Variants in LUC7L3 observed in about 807,000 individuals in gnomAD.
The protein encoded by LUC7L3 is luc7-like protein 3.
In LUC7L3, 6 loss-of-function variants were observed where a neutral mutation model predicts 66.8. The ratio of observed to expected loss-of-function variants is 0.09; its 90% confidence interval spans 0.05 to 0.18. The LOEUF (loss-of-function observed/expected upper bound fraction) is 0.18. Ranked by LOEUF, LUC7L3 falls within the 10% of genes least tolerant of loss-of-function variation. The pLI is 1.00. For missense variants in LUC7L3, 341 were observed against 531.1 expected (o/e 0.64, Z 3.52); for synonymous variants, 160 against 174.7 (o/e 0.92, Z 0.66).
At position 50,724,611 on chromosome 17, in the gene LUC7L3, T is replaced by TTGTGTGTG. The variant is rs58361696; in HGVS notation, c.99+4808_99+4815dup. On this transcript the variant is annotated intron_variant, in intron 1 of 9. Transcript: ENST00000505658. ...TAAATCTTTGGTTGCTTTAGGAAAATTGTGTGTGTGTGTGTGTGTGTGTGT... is the reference window on the plus strand; with the variant it reads ...TAAATCTTTGGTTGCTTTAGGAAAATTGTGTGTGTGTGTGTGTGTGTGTGTGTGTGTGT... 3.5e-3 allele frequency among the ~76,000 whole-genome samples: 514 copies of TTGTGTGTG among 147,256 alleles called. 3 individuals carry two copies. The highest frequency in any genetic ancestry group is 5.2e-3 in the East Asian group (26 of 4,996).
intron 1 of LUC7L3, chr17:50,724,088 A>G (rs1968989812): frequency 2.8e-6 from 1 of 356,920 alleles, no homozygotes; most frequent in South Asian, 1.9e-5. Context: ...TGAACTCCCC[A>G]TGTACCCATG....
intron 3 of LUC7L3, 93 bp downstream of exon 3, chr17:50,740,438 T>C: frequency 8.3e-7 from 1 of 1,209,272 alleles, no homozygotes; most frequent in Non-Finnish European, 1.2e-6. Flanking sequence ...AAATGTAAAA[T>C]GAGTGTCTGA....
chr17:50,740,434 A>G (rs1970276989), intron 3 of LUC7L3, 89 bp downstream of exon 3: 4 of 1,249,052 alleles, frequency 3.2e-6, no homozygotes, highest in African/African-American at 3.0e-5. Flanking sequence ...AATTAAATGT[A>G]AAATGAGTGT....
chr17:50,723,811 A>G (rs1968964440), intron 1 of LUC7L3: 1 of 340,750 alleles, frequency 2.9e-6, no homozygotes, highest in Non-Finnish European at 5.9e-6. Context: ...TAATTTTTGT[A>G]TTTTTAGTCG....
At chr17:50,738,345 C>T (rs1462075290) in intron 2 of LUC7L3, 2 of 216,432 alleles carry the variant, frequency 9.2e-6, no homozygotes, top group East Asian at 2.6e-4. Context: ...AAATTAGTTG[C>T]TTGCCAAGGA....
chr17:50,741,312 A>C (rs1970333346), intron 4 of LUC7L3, 66 bp downstream of exon 4: 1 of 1,476,076 alleles, frequency 6.8e-7, no homozygotes, highest in African/African-American at 1.4e-5. Context: ...GACCTCCCTA[A>C]TATTTTTGAA....
intron 1 of LUC7L3, among the ~76,000 whole-genome samples, chr17:50,720,883 A>G (rs911975047): frequency 1.3e-5 from 2 of 152,232 alleles, no homozygotes; most frequent in Non-Finnish European, 2.9e-5. Context: ...AAGAAAGAGT[A>G]AGTTTGGCTC....
At chr17:50,741,022 G>A in intron 3 of LUC7L3, 80 bp from the exon 4 acceptor site, 1 of 1,365,902 alleles carries the variant, frequency 7.3e-7, no homozygotes, top group Non-Finnish European at 1.0e-6. Context: ...AATAGTCGTT[G>A]AGGCTAGTTA....
chr17:50,741,841 T>A, intron 5 of LUC7L3, 110 bp downstream of exon 5: 1 of 768,848 alleles, frequency 1.3e-6, no homozygotes, highest in East Asian at 2.9e-5. Context: ...TCCCAGCACT[T>A]TGGGAGGCCG....
intron 2 of LUC7L3, 149 bp downstream of exon 2, chr17:50,737,175 T>A (rs1970033847): frequency 1.6e-6 from 1 of 642,460 alleles, no homozygotes; most frequent in Non-Finnish European, 2.7e-6. Context: ...GTTTAGATAT[T>A]TGAATGTATT....
intron 3 of LUC7L3, 32 bp downstream of exon 3, chr17:50,740,377 C>G: frequency 1.9e-6 from 3 of 1,592,638 alleles, no homozygotes; most frequent in Non-Finnish European, 2.6e-6. Context: ...TTCCACCCCC[C>G]CAGTTATTAG....
At chr17:50,721,853 C>G (rs1968790378) in intron 1 of LUC7L3, among the ~76,000 whole-genome samples, 2 of 151,194 alleles carry the variant, frequency 1.3e-5, no homozygotes, top group African/African-American at 4.9e-5. Context: ...GGAAATTTTT[C>G]TTGGCCATAC....
intron 1 of LUC7L3, among the ~76,000 whole-genome samples, chr17:50,728,618 TCTCAGCTCACTGCAAAC>T (rs1425248897): frequency 1.2e-4 from 18 of 152,226 alleles, no homozygotes; most frequent in African/African-American, 4.1e-4. Context: ...AGTGGCGCGA[TCTCAGCTCACTGCAAAC>T]CTCCGCTTCC....
In LUC7L3 at chr17:50,751,174, T is replaced by G; in HGVS notation, c.*513T>G. The G allele has an allele frequency of 6.8e-7, 1 of 1,479,300 alleles. No individual in the cohort carries two copies. The allele number at this position is 1,479,300 out of a possible 1,614,324, so 91.6% of individuals were successfully genotyped here. A position where few individuals can be genotyped will look rare whatever the true frequency, so the allele number is the denominator to read the frequency against. On this transcript the variant is annotated 3_prime_UTR_variant, in exon 10 of 10. Coordinates refer to ENST00000505658, the MANE Select transcript of LUC7L3 (RefSeq NM_016424.5). Reference sequence around the variant, plus strand: ...ATTTCTTTGTCAAGGATGTTTCTAGTTTTTTGCTTTATTGCCTTGCATTCT... The same window carrying G: ...ATTTCTTTGTCAAGGATGTTTCTAGGTTTTTGCTTTATTGCCTTGCATTCT...
chr17:50,722,014 A>G (rs1968804221), intron 1 of LUC7L3: 1 of 151,938 alleles, frequency 6.6e-6, no homozygotes, highest in Admixed American at 6.6e-5. Context: ...TCAAAATGCT[A>G]ACTTTACCTA....
chr17:50,756,086 CAG>C lies in LUC7L3; in HGVS notation c.*5426_*5427del, dbSNP rs145941492. On this transcript the variant is annotated 3_prime_UTR_variant, in exon 10 of 10. Transcript: ENST00000505658. Reference sequence around the variant, plus strand: ...GGAGGGAGAGGTGATCATGAGGGCACAGGGGTCTTCAGAAGAACTGGTGAGGG... The same window carrying C: ...GGAGGGAGAGGTGATCATGAGGGCACGGGTCTTCAGAAGAACTGGTGAGGG... 518 of 152,268 alleles carry C rather than the reference CAG, an allele frequency of 3.4e-3. 5 individuals carry two copies. Among genetic ancestry groups the C allele is most frequent in the African/African-American group, 0.012 (500 of 41,552 alleles). The allele number at this position is 152,268 out of a possible 1,614,324, so 9.4% of individuals were successfully genotyped here. A position where few individuals can be genotyped will look rare whatever the true frequency, so the allele number is the denominator to read the frequency against.
chr17:50,727,141 A>C (rs1969250299), intron 1 of LUC7L3, among the ~76,000 whole-genome samples: 1 of 152,190 alleles, frequency 6.6e-6, no homozygotes, highest in Non-Finnish European at 1.5e-5. Flanking sequence ...ATACGTGTTA[A>C]CCAACTGTTA....
At chr17:50,722,686 C>T (rs528595500) in intron 1 of LUC7L3, 2 of 152,244 alleles carry the variant, frequency 1.3e-5, no homozygotes, top group African/African-American at 4.8e-5. Context: ...ACTTGCGAAG[C>T]GCAGTTTCAA....
chr17:50,737,422 C>G (rs1970049604), intron 2 of LUC7L3: 2 of 431,648 alleles, frequency 4.6e-6, no homozygotes, highest in Non-Finnish European at 9.1e-6. Context: ...GGATACTAAA[C>G]AGAAGCGAGT....
Sources: gnomAD v4.1 joint callset for allele counts (sites outside exome capture counted in the v4.1 genomes callset) on GRCh38, gnomAD v4.1.1 for gene constraint, MANE v1.5 for transcripts, NCBI Gene and HGNC (gene_info 2026-07-23, HGNC 2026-07-21) for gene names.